IL16: variants seen among roughly 807,000 people sequenced by gnomAD.
IL16 encodes the protein pro-interleukin-16.
IL16 carries 67 observed loss-of-function variants against 110.1 expected under a neutral mutation model. The ratio of observed to expected loss-of-function variants is 0.61; its 90% confidence interval spans 0.50 to 0.75. The LOEUF is 0.75. IL16 is among the 30% of genes least tolerant of loss of function. The probability of loss-of-function intolerance (pLI) is 0.00; values close to 1 mark genes in which losing one functional copy is unlikely to be tolerated. For synonymous variants in IL16, 689 were observed against 662.9 expected, an observed-to-expected ratio of 1.04 and a Z score of -0.61; for missense variants, 1,545 against 1,655.0, an observed-to-expected ratio of 0.93 and a Z score of 1.15.
rs371636634 is a variant in IL16 at position 81,259,781 on chromosome 15, A to G, written c.322A>G (p.Thr108Ala). Reference sequence around the variant, plus strand: ...GGCAATTGTTTTGCAGGAATCTTCCACAGCTTCCTCTCGAGAAAAGCCTGG... The same window carrying G: ...GGCAATTGTTTTGCAGGAATCTTCCGCAGCTTCCTCTCGAGAAAAGCCTGG... ...RRIFFMKESS[T>A]ASSREKPGKL... The change falls in exon 3 of 19, where the codon ACA (threonine) becomes GCA (alanine). Residue 108 changes from threonine (T) to alanine (A), a missense_variant. By Grantham distance (58) the Thr-to-Ala change is moderately conservative. This residue lies in a region of IL16 where 1,185 missense variants were observed against 1,238.8 expected (regional missense o/e 0.96). Transcript: ENST00000683961. 3 of 1,610,596 alleles carry G rather than the reference A, an allele frequency of 1.9e-6. No homozygotes were observed. Among genetic ancestry groups the G allele is most frequent in the African/African-American group, 1.3e-5 (1 of 74,996 alleles).
Position 81,259,874 on chromosome 15 carries a change from T to G in IL16, c.415T>G (p.Ser139Ala). Residue 139 changes from serine to alanine, a missense_variant, in exon 3 of 19, where the codon TCA (serine) becomes GCA (alanine). Physicochemically the swap from Ser to Ala is moderately conservative, Grantham distance 99. Coordinates refer to ENST00000683961, the MANE Select transcript of IL16 (RefSeq NM_172217.5). ...KACHQRARSN[S>A]TSVNPYCTRE... ...CTGCCACCAAAGGGCACGCAGCAAC[T>G]CAACCAGTAAGTGTCTTCCCAACAT... The G allele has an allele frequency of 6.3e-7, 1 of 1,597,948 alleles. No individual in the cohort carries two copies. The highest frequency in any genetic ancestry group is 8.6e-7 in the Non-Finnish European group (1 of 1,165,282).
intron 2 of IL16, among the ~76,000 whole-genome samples, chr15:81,250,833 G>A (rs1305150014): frequency 1.3e-5 from 2 of 152,180 alleles, no homozygotes; most frequent in Non-Finnish European, 2.9e-5. Flanking sequence ...TCCTGAGGGA[G>A]GGGATTAATT....
intron 4 of IL16, among the ~76,000 whole-genome samples, chr15:81,267,887 A>G (rs563509864): frequency 6.6e-6 from 1 of 152,310 alleles, no homozygotes; most frequent in Non-Finnish European, 1.5e-5. Flanking sequence ...TGCTTTGGCT[A>G]CAGATTTCAA....
At chr15:81,184,440 G>A (rs944833730) in intron 1 of IL16, among the ~76,000 whole-genome samples, 2 of 152,226 alleles carry the variant, frequency 1.3e-5, no homozygotes, top group African/African-American at 4.8e-5. Context: ...AGCGGATCCA[G>A]GGGATCTTAT....
intron 4 of IL16, among the ~76,000 whole-genome samples, chr15:81,266,599 A>G (rs1898393904): frequency 6.6e-6 from 1 of 152,162 alleles, no homozygotes; most frequent in South Asian, 2.1e-4. Context: ...TTTTGGTCAC[A>G]CAGCGCCCTC....
chr15:81,265,696 A>G lies in IL16; in HGVS notation c.459A>G (p.Pro153=). The change falls in exon 4 of 19, where the codon CCA becomes CCG. Residue 153 remains proline (P), a synonymous_variant. Transcript: ENST00000683961. ...NPYCTREIDF[P]MTKKSAAPTD... The stretch of plus-strand genomic sequence containing the variant: ...ATTGCACAAGAGAAATTGATTTTCC[A>G]ATGACCAAGAAATCTGCAGCGCCCA... 1 of 1,613,950 alleles carries G rather than the reference A, an allele frequency of 6.2e-7. No individual in the cohort carries two copies. Among genetic ancestry groups the G allele is most frequent in the Non-Finnish European group, 8.5e-7 (1 of 1,179,892 alleles).
At chr15:81,234,729 T>C (rs1159284784) in intron 2 of IL16, among the ~76,000 whole-genome samples, 1 of 152,240 alleles carries the variant, frequency 6.6e-6, no homozygotes, top group Non-Finnish European at 1.5e-5. Context: ...CCTTTCTGCC[T>C]GCAGCAGGCT....
At chr15:81,295,295 TAAGAGA>T in intron 12 of IL16, 1 of 1,025,656 alleles carries the variant, frequency 9.7e-7, no homozygotes, top group Non-Finnish European at 1.2e-6. Flanking sequence ...GAAACACTAG[TAAGAGA>T]AAAATTTGTG....
chr15:81,195,509 A>G (rs1338969515), upstream of IL16, among the ~76,000 whole-genome samples: 2 of 152,146 alleles, frequency 1.3e-5, no homozygotes, highest in Non-Finnish European at 2.9e-5. Flanking sequence ...TCAGCCCTAC[A>G]ATGTCCCCTG....
At chr15:81,275,504 A>G (rs1898871381) in intron 6 of IL16, among the ~76,000 whole-genome samples, 1 of 151,606 alleles carries the variant, frequency 6.6e-6, no homozygotes, top group Non-Finnish European at 1.5e-5. Flanking sequence ...GGAGTGTGCC[A>G]TCATGTGTTT....
At chr15:81,223,278 GT>G (rs144339970) in intron 1 of IL16, among the ~76,000 whole-genome samples, 5,010 of 152,258 alleles carry the variant, frequency 0.033, 133 homozygotes, top group Non-Finnish European at 0.052. Flanking sequence ...GAAGTACAAA[GT>G]GCAGAACATT....
chr15:81,222,441 T>A (rs1167180862), intron 1 of IL16, among the ~76,000 whole-genome samples: 4 of 151,506 alleles, frequency 2.6e-5, no homozygotes, highest in Non-Finnish European at 4.4e-5. Context: ...GTCAATGCAG[T>A]TTCAGGCATG....
At chr15:81,230,842 A>G (rs73499351) in intron 2 of IL16, among the ~76,000 whole-genome samples, 12,213 of 152,212 alleles carry the variant, frequency 0.08, 1,152 homozygotes, top group African/African-American at 0.23. Flanking sequence ...CCACCTCTCC[A>G]GGAGGCTCAG....
chr15:81,278,030 C>CTATTTATTTATT (rs72239238), intron 6 of IL16, among the ~76,000 whole-genome samples: 11 of 149,122 alleles, frequency 7.4e-5, no homozygotes, highest in African/African-American at 2.2e-4. Flanking sequence ...GATCCAAGTC[C>CTATTTATTTATT]TATTTATTTA....
rs1159102458 is a variant in IL16 at position 81,310,752 on chromosome 15, G to A, written c.*1954G>A. The A allele has an allele frequency of 6.6e-6, 1 of 152,228 alleles. No individual in the cohort carries two copies. The highest frequency in any genetic ancestry group is 1.5e-5 in the Non-Finnish European group (1 of 68,090). The allele number at this position is 152,228 out of a possible 1,614,324, so 9.4% of individuals were successfully genotyped here. On this transcript the variant is annotated 3_prime_UTR_variant, in exon 19 of 19. Coordinates refer to ENST00000683961, the MANE Select transcript of IL16 (RefSeq NM_172217.5). Reference sequence around the variant, plus strand: ...AAGCAGCCAAGGGATGAAAGAGAAGGTGGGTTTTCATCAAGACTGGAAGGT... The same window carrying A: ...AAGCAGCCAAGGGATGAAAGAGAAGATGGGTTTTCATCAAGACTGGAAGGT...
At chr15:81,194,921 C>G (rs146801934), upstream of IL16, among the ~76,000 whole-genome samples, 1 of 152,246 alleles carries the variant, frequency 6.6e-6, no homozygotes, top group East Asian at 1.9e-4. Flanking sequence ...CTTGAACTTC[C>G]TAGTTCTAAC....
exon 1 of IL16, chr15:81,182,830 C>G: frequency 6.2e-6 from 8 of 1,287,594 alleles, no homozygotes; most frequent in Non-Finnish European, 8.1e-6. Context: ...TTTCACAGCT[C>G]TCTCTCCCTC....
chr15:81,268,275 T>A (rs543760693), intron 4 of IL16, among the ~76,000 whole-genome samples: 1 of 152,300 alleles, frequency 6.6e-6, no homozygotes, highest in East Asian at 1.9e-4. Context: ...ATGCTAGTAA[T>A]AAAGAAAACA....
chr15:81,242,193 T>G (rs1345406131), intron 2 of IL16, among the ~76,000 whole-genome samples: 1 of 152,164 alleles, frequency 6.6e-6, no homozygotes, highest in African/African-American at 2.4e-5. Flanking sequence ...ATTTTATTCT[T>G]CTATTTCAGT....
Sources: allele counts gnomAD v4.1 joint callset (sites outside exome capture counted in the v4.1 genomes callset), GRCh38; gene constraint gnomAD v4.1.1; regional missense constraint gnomAD v4.1.1; transcripts MANE v1.5; gene names NCBI Gene and HGNC (gene_info 2026-07-23, HGNC 2026-07-21).